PCSK2: variants seen among roughly 807,000 people sequenced by gnomAD.
The protein encoded by PCSK2 is proprotein convertase subtilisin/kexin type 2, also known as neuroendocrine convertase 2.
In PCSK2, 14 loss-of-function variants were observed where a neutral mutation model predicts 69.7. The ratio of observed to expected loss-of-function variants is 0.20; its 90% CI spans 0.13 to 0.31. The LOEUF (loss-of-function observed/expected upper bound fraction) is 0.31, where lower values mean the gene tolerates loss of function less well. Ranked by LOEUF, PCSK2 falls within the 10% of genes least tolerant of loss-of-function variation. The probability of loss-of-function intolerance (pLI) is 1.00; values close to 1 mark genes in which losing one functional copy is unlikely to be tolerated. For synonymous variants in PCSK2, 307 were observed against 320.7 expected (o/e 0.96, Z 0.46); for missense variants, 544 against 842.5 (o/e 0.65, Z 4.39).
intron 3 of PCSK2, among the ~76,000 whole-genome samples, chr20:17,358,745 T>C (rs1270994319): frequency 6.6e-6 from 1 of 152,208 alleles, no homozygotes; most frequent in Non-Finnish European, 1.5e-5. Context: ...CAAAACTATA[T>C]AAAAGTCAAA....
intron 2 of PCSK2, chr20:17,263,196 A>T (rs1987459516): frequency 1.1e-6 from 1 of 909,280 alleles, no homozygotes; most frequent in Non-Finnish European, 1.3e-6. Context: ...CAGAAATTTC[A>T]ATGATGTTTG....
chr20:17,342,379 G>A (rs6044747), intron 2 of PCSK2, among the ~76,000 whole-genome samples: 33,383 of 152,056 alleles, frequency 0.22, 3,935 homozygotes, highest in Middle Eastern at 0.27. Flanking sequence ...GTGCAGTGGC[G>A]TAATCTCCGT....
chr20:17,315,030 T>C (rs1989634805), intron 2 of PCSK2, among the ~76,000 whole-genome samples: 1 of 152,180 alleles, frequency 6.6e-6, no homozygotes, highest in South Asian at 2.1e-4. Flanking sequence ...CTTCCTGAAA[T>C]AAGCCAGGGC....
intron 10 of PCSK2, chr20:17,463,716 G>A (rs1432570454): frequency 7.5e-6 from 1 of 133,662 alleles, no homozygotes; most frequent in Admixed American, 9.2e-5. Flanking sequence ...CCCTTCCTGT[G>A]TCCAAGTGTG....
chr20:17,359,709 G>A (rs543312112), intron 3 of PCSK2, among the ~76,000 whole-genome samples: 1 of 152,172 alleles, frequency 6.6e-6, no homozygotes, highest in Non-Finnish European at 1.5e-5. Context: ...TTTTTAAAGA[G>A]CCCCAATGAC....
At chr20:17,305,566 T>A (rs1989300615) in intron 2 of PCSK2, among the ~76,000 whole-genome samples, 2 of 152,192 alleles carry the variant, frequency 1.3e-5, no homozygotes, top group Non-Finnish European at 2.9e-5. Flanking sequence ...CTTTAATTCT[T>A]TTACAAGCTG....
At chr20:17,228,976 C>T (rs924443547) in intron 1 of PCSK2, among the ~76,000 whole-genome samples, 1 of 152,120 alleles carries the variant, frequency 6.6e-6, no homozygotes, top group African/African-American at 2.4e-5. Flanking sequence ...CGTGGCCTGC[C>T]GGCTGTTTTG....
chr20:17,442,630 T>A lies in PCSK2; in HGVS notation c.885+5747T>A, dbSNP rs1226686739. Among the ~76,000 whole-genome samples the A allele has an allele frequency of 2.0e-5, 3 of 152,190 alleles. No individual in the cohort carries two copies. In the East Asian group the frequency reaches 5.8e-4, roughly 29 times the overall value. On this transcript the variant is annotated intron_variant, in intron 8 of 11. Transcript: ENST00000262545. ...CTCTGATGTAGCTTCCTCGAAGGAA[T>A]GAGCGTGTGAAAATGCTCACGATGC... is the stretch of plus-strand genomic sequence containing the variant.
At chr20:17,343,208 A>G (rs911046218) in intron 2 of PCSK2, among the ~76,000 whole-genome samples, 1 of 152,238 alleles carries the variant, frequency 6.6e-6, no homozygotes, top group Admixed American at 6.5e-5. Context: ...TACAACGCAC[A>G]CCAACTACAT....
Position 17,358,396 on chromosome 20 carries a change from G to T in PCSK2, c.352G>T (p.Asp118Tyr), listed in dbSNP as rs372392030. 1.9e-6 allele frequency: 3 copies of T among 1,611,786 alleles called. No homozygotes were observed. The highest frequency in any genetic ancestry group is 2.5e-6 in the Non-Finnish European group (3 of 1,177,944). Reference sequence around the variant, plus strand: ...AGGTTACAGAGACATCAATGAGATCGACATCAACATGAACGATCCTCTTTT... The same window carrying T: ...AGGTTACAGAGACATCAATGAGATCTACATCAACATGAACGATCCTCTTTT... ...KRGYRDINEI[D>Y]INMNDPLFTK... Residue 118 changes from aspartate (D) to tyrosine (Y), a missense_variant, in exon 3 of 12, where the codon GAC becomes TAC. Coordinates refer to ENST00000262545, the MANE Select transcript of PCSK2 (RefSeq NM_002594.5).
intron 5 of PCSK2, among the ~76,000 whole-genome samples, chr20:17,394,320 G>A (rs2031458149): frequency 6.6e-6 from 1 of 152,208 alleles, no homozygotes; most frequent in African/African-American, 2.4e-5. Context: ...AGTCTATTAT[G>A]TGCAAGTGGT....
chr20:17,292,841 G>A (rs575691219), intron 2 of PCSK2, among the ~76,000 whole-genome samples: 1 of 151,380 alleles, frequency 6.6e-6, no homozygotes, highest in African/African-American at 2.4e-5. Flanking sequence ...TTTTATTTTT[G>A]TTTGAGAGTG....
intron 10 of PCSK2, among the ~76,000 whole-genome samples, chr20:17,457,741 A>G (rs1278759475): frequency 6.6e-6 from 1 of 152,218 alleles, no homozygotes; most frequent in Non-Finnish European, 1.5e-5. Context: ...CTGCATCCGC[A>G]AGGAGACAAT....
At chr20:17,405,772 G>A (rs924968691) in intron 5 of PCSK2, among the ~76,000 whole-genome samples, 4 of 152,276 alleles carry the variant, frequency 2.6e-5, no homozygotes, top group African/African-American at 9.6e-5. Flanking sequence ...ATATACCAGG[G>A]ATGGGTTTTT....
intron 4 of PCSK2, among the ~76,000 whole-genome samples, chr20:17,363,518 G>A (rs2030476072): frequency 1.3e-5 from 2 of 152,158 alleles, no homozygotes; most frequent in African/African-American, 4.8e-5. Context: ...GTTTAGAGTT[G>A]GGAACTTGAC....
intron 1 of PCSK2, among the ~76,000 whole-genome samples, chr20:17,253,698 G>C (rs1421643175): frequency 6.6e-6 from 1 of 152,160 alleles, no homozygotes; most frequent in Non-Finnish European, 1.5e-5. Flanking sequence ...GTAAATGTAT[G>C]TTTTCATTTC....
At chr20:17,227,556 G>C in intron 1 of PCSK2, 74 bp downstream of exon 1, 1 of 1,177,994 alleles carries the variant, frequency 8.5e-7, no homozygotes, top group Non-Finnish European at 1.2e-6. Context: ...CAATCTCATT[G>C]CAGATTTGCA....
chr20:17,421,940 G>A (rs1600567408), intron 6 of PCSK2, among the ~76,000 whole-genome samples: 1 of 150,292 alleles, frequency 6.7e-6, no homozygotes, highest in Non-Finnish European at 1.5e-5. Context: ...ATATTAATTT[G>A]TACTATATGA....
intron 7 of PCSK2, among the ~76,000 whole-genome samples, chr20:17,432,575 T>C (rs759660998): frequency 1.3e-5 from 2 of 152,270 alleles, no homozygotes; most frequent in African/African-American, 2.4e-5. Flanking sequence ...CTTTCTTTTT[T>C]CATTTTAATT....
Sources: allele counts gnomAD v4.1 joint callset (sites outside exome capture counted in the v4.1 genomes callset), GRCh38; gene constraint gnomAD v4.1.1; transcripts MANE v1.5; gene names NCBI Gene and HGNC (gene_info 2026-07-23, HGNC 2026-07-21).